GAS6: variants seen among roughly 807,000 people sequenced by gnomAD.
The protein encoded by GAS6 is growth arrest specific 6.
GAS6 carries 41 observed loss-of-function variants against 75.8 expected under a neutral mutation model. The observed-to-expected ratio is 0.54, with a 90% CI of 0.42 to 0.70. The LOEUF (loss-of-function observed/expected upper bound fraction) is 0.70. GAS6 is among the 30% of genes least tolerant of loss of function. The pLI, the probability that GAS6 is intolerant of heterozygous loss-of-function variation, is 0.00. For synonymous variants in GAS6, 432 were observed against 412.6 expected, an observed-to-expected ratio of 1.05 and a Z score of -0.57; for missense variants, 854 against 940.2, an observed-to-expected ratio of 0.91 and a Z score of 1.20.
rs568667737 is a variant in GAS6, at chr13:113,822,090, C to T, written c.1750G>A (p.Gly584Ser). The T allele has an allele frequency of 1.1e-5, 18 of 1,597,376 alleles. No homozygotes were observed. Among genetic ancestry groups the T allele is most frequent in the African/African-American group, 8.0e-5 (6 of 74,950 alleles). ...CCGTCCACCTCCAGGGTGGCCTCAC[C>T]GTCCCTCAGCGAGACGGTGACCACG... ...EHVVTVSLRDGEATLEVDGTR... is the reference protein window; with the variant it reads ...EHVVTVSLRDSEATLEVDGTR... Residue 584 changes from glycine (G) to serine (S), a missense_variant, in exon 14 of 15, where the codon GGT (glycine) becomes AGT (serine). Transcript: ENST00000327773.
Position 113,837,976 on chromosome 13 carries a change from A to C in GAS6, c.589+93T>G. On this transcript the variant is annotated intron_variant, in intron 6 of 14. Transcript: ENST00000327773. The surrounding 1 kb of genome is among the most constrained non-coding windows in gnomAD (Gnocchi z 5.1). ...ATCCCATCCAGAACCACAGGAACCCAGCCAGCAGCAGCCGCTTGCAGAAGA... is the reference window on the plus strand; with the variant it reads ...ATCCCATCCAGAACCACAGGAACCCCGCCAGCAGCAGCCGCTTGCAGAAGA... The C allele has an allele frequency of 6.6e-7, 1 of 1,505,580 alleles. No individual in the cohort carries two copies. The highest frequency in any genetic ancestry group is 1.2e-5 in the South Asian group (1 of 83,762). 93.3% of individuals were successfully genotyped at this position (1,505,580 alleles called of 1,614,324 possible).
rs747546889 is a variant in GAS6 at position 113,823,421 on chromosome 13, G to C, written c.1607C>G (p.Ser536Cys). The change falls in exon 13 of 15, where the codon TCT (serine) becomes TGT (cysteine). Residue 536 changes from serine to cysteine, a missense_variant. Ser to Cys is a moderately radical substitution (Grantham distance 112). Coordinates refer to ENST00000327773, the MANE Select transcript of GAS6 (RefSeq NM_000820.4). Reference sequence around the variant, plus strand: ...GGAGTGATAGTCTACCAGTGCCACAGAGAGAGGCACGGCACGGAGGTCGGG... The same window carrying C: ...GGAGTGATAGTCTACCAGTGCCACACAGAGAGGCACGGCACGGAGGTCGGG... ...WAPDLRAVPL[S>C]VALVDYHSTK... The C allele has an allele frequency of 6.2e-7, 1 of 1,612,718 alleles. No individual in the cohort carries two copies. Among genetic ancestry groups the C allele is most frequent in the Non-Finnish European group, 8.5e-7 (1 of 1,179,886 alleles).
rs112147816 is a variant in GAS6 at position 113,826,995 on chromosome 13, C to A, written c.1477+1G>T. On this transcript the variant is annotated splice_donor_variant, in intron 12 of 14. Transcript: ENST00000327773. LOFTEE classifies it high-confidence loss of function. ...CCCCAACGGTAAGAGCCAAGACTTACTGTAGTCCAGGCTGTAGAAGGCGAA... is the reference window on the plus strand; with the variant it reads ...CCCCAACGGTAAGAGCCAAGACTTAATGTAGTCCAGGCTGTAGAAGGCGAA... 1 of 1,612,614 alleles carries A rather than the reference C, an allele frequency of 6.2e-7. No individual in the cohort carries two copies. The highest frequency in any genetic ancestry group is 8.5e-7 in the Non-Finnish European group (1 of 1,179,706).
At chr13:113,858,970 GTA>G (rs1394039988) in intron 2 of GAS6, among the ~76,000 whole-genome samples, 1 of 97,330 alleles carries the variant, frequency 1.0e-5, no homozygotes, top group Non-Finnish European at 2.1e-5. Flanking sequence ...CTGTGTGACT[GTA>G]TGTCTATATG....
chr13:113,843,150 T>TTCCCTGACCCCGTCCACC (rs1445863117), intron 4 of GAS6: 22 of 282,944 alleles, frequency 7.8e-5, no homozygotes, highest in South Asian at 1.7e-4. Flanking sequence ...GGGCACCCAC[T>TTCCCTGACCCCGTCCACC]TCCCTGACCC....
In GAS6 at chr13:113,835,590, C is replaced by T. The variant is rs1192909092; in HGVS notation, c.635G>A (p.Cys212Tyr). The part of the protein sequence containing the change: ...ADSEACGEAR[C>Y]KNLPGSYSCL... ...GGAGTAGGAGCCGGGCAGGTTCTTG[C>T]AGCGCGCCTCCCCGCAGGCCTCCGA... Residue 212 changes from cysteine to tyrosine, a missense_variant, in exon 7 of 15, where the codon TGC becomes TAC. Cys to Tyr is a radical substitution (Grantham distance 194). Transcript: ENST00000327773. The T allele has an allele frequency of 6.2e-7, 1 of 1,612,486 alleles. No homozygotes were observed. The highest frequency in any genetic ancestry group is 1.1e-5 in the South Asian group (1 of 91,080).
chr13:113,826,839 C>T (rs1421956137), intron 12 of GAS6, among the ~76,000 whole-genome samples, 157 bp downstream of exon 12: 2 of 151,998 alleles, frequency 1.3e-5, no homozygotes, highest in African/African-American at 2.4e-5. Context: ...GGCCTCTGCC[C>T]GCACCTCCGC....
At chr13:113,835,667 C>T in intron 6 of GAS6, 32 bp from the exon 7 acceptor site, 1 of 1,606,336 alleles carries the variant, frequency 6.2e-7, no homozygotes. Flanking sequence ...CCAACCGCAG[C>T]ACAGCGGCAT....
At chr13:113,838,237 C>G in intron 5 of GAS6, 46 bp from the exon 6 acceptor site, 2 of 1,607,958 alleles carry the variant, frequency 1.2e-6, no homozygotes, top group Non-Finnish European at 1.7e-6. Context: ...GGTGCACAGC[C>G]CCTGGCTACG....
chr13:113,834,727 C>A, intron 7 of GAS6, 55 bp from the exon 8 acceptor site: 1 of 1,380,186 alleles, frequency 7.2e-7, no homozygotes, highest in Non-Finnish European at 9.5e-7. Context: ...GCTGTCCCGC[C>A]GTGGGATCAC....
intron 2 of GAS6, among the ~76,000 whole-genome samples, chr13:113,851,283 ATGAG>A (rs34197139): frequency 0.27 from 41,128 of 151,604 alleles, 5,649 homozygotes; most frequent in South Asian, 0.41. Flanking sequence ...GTATGAATGA[ATGAG>A]TGAGTGGGTG....
intron 4 of GAS6, 156 bp from the exon 5 acceptor site, chr13:113,840,006 G>A: frequency 9.3e-7 from 1 of 1,076,018 alleles, no homozygotes; most frequent in Non-Finnish European, 1.4e-6. Context: ...CGAGCCCTCT[G>A]TGCTGGCCTA....
chr13:113,822,141 T>C lies in GAS6; in HGVS notation c.1699A>G (p.Ile567Val), dbSNP rs1424347108. The C allele has an allele frequency of 6.3e-7, 1 of 1,598,724 alleles. No homozygotes were observed. The highest frequency in any genetic ancestry group is 1.3e-5 in the African/African-American group (1 of 74,808). Residue 567 changes from isoleucine (I) to valine (V), a missense_variant, in exon 14 of 15, where the codon ATC becomes GTC. Coordinates refer to ENST00000327773, the MANE Select transcript of GAS6 (RefSeq NM_000820.4). ...TGCTCTTGGCCGTCGCAGACCTTGA[T>C]CTCCATTAGGGCCAAGGCCGTATGC... is the stretch of plus-strand genomic sequence containing the variant. ...VEHTALALMEIKVCDGQEHVV... is the reference protein window; with the variant it reads ...VEHTALALMEVKVCDGQEHVV...
In GAS6 at chr13:113,832,356, G is replaced by A. The variant is rs562664965; in HGVS notation, c.1086C>T (p.Asn362=). 18 of 1,607,710 alleles carry A rather than the reference G, an allele frequency of 1.1e-5. No individual in the cohort carries two copies. The highest frequency in any genetic ancestry group is 2.2e-5 in the East Asian group (1 of 44,892). ...CGCTGCTGGTGACACGGCCGACACC[G>A]TTGTAGCGCAGCTGCAGCTCCAGCC... ...AGRLELQLRY[N]GVGRVTSSGP... Residue 362 remains asparagine (N), a synonymous_variant, in exon 10 of 15, where the codon AAC becomes AAT. Coordinates refer to ENST00000327773, the MANE Select transcript of GAS6 (RefSeq NM_000820.4).
intron 2 of GAS6, among the ~76,000 whole-genome samples, chr13:113,859,198 CTGTG>C (rs200149981): frequency 1.0e-4 from 13 of 126,130 alleles, no homozygotes; most frequent in South Asian, 3.1e-4. Flanking sequence ...GTGTGCATGT[CTGTG>C]TGTGTGACTG....
At chr13:113,831,673 A>T (rs1248434303) in intron 10 of GAS6, among the ~76,000 whole-genome samples, 1 of 152,100 alleles carries the variant, frequency 6.6e-6, no homozygotes, top group African/African-American at 2.4e-5. Context: ...AGCCAGGCTG[A>T]AACGTGATGA....
At chr13:113,834,704 G>A (rs770025400) in intron 7 of GAS6, 32 bp from the exon 8 acceptor site, 3 of 1,502,852 alleles carry the variant, frequency 2.0e-6, no homozygotes, top group South Asian at 1.4e-5. Context: ...CGGTGAGCCG[G>A]GGAGGCCTCT....
chr13:113,825,861 A>T (rs1241908194), intron 12 of GAS6, among the ~76,000 whole-genome samples: 1 of 151,612 alleles, frequency 6.6e-6, no homozygotes, highest in East Asian at 1.9e-4. Context: ...ACGGGGCAGG[A>T]CCCTCCCCTT....
At position 113,848,511 on chromosome 13, in the gene GAS6, C is replaced by A. The variant is rs2051850673; in HGVS notation, c.256-461G>T. ...AGGCTGTAATGAAGGGTCTTCTTAT[C>A]CATGAAAGCGCACTGACGAGGTCCA... On this transcript the variant is annotated intron_variant, in intron 2 of 14. Coordinates refer to ENST00000327773, the MANE Select transcript of GAS6 (RefSeq NM_000820.4). This position sits in a 1 kb window ranked among gnomAD's most constrained non-coding sequence, Gnocchi z 4.8. 6.6e-6 allele frequency among the ~76,000 whole-genome samples: 1 copy of A among 152,116 alleles called. No homozygotes were observed. Among genetic ancestry groups the A allele is most frequent in the South Asian group, 2.1e-4 (1 of 4,832 alleles).
Sources: allele counts gnomAD v4.1 joint callset (sites outside exome capture counted in the v4.1 genomes callset), GRCh38; gene constraint gnomAD v4.1.1; non-coding constraint Gnocchi (gnomAD v3.1); transcripts MANE v1.5; gene names NCBI Gene and HGNC (gene_info 2026-07-23, HGNC 2026-07-21).